RASSF4: variants seen among roughly 807,000 people sequenced by gnomAD.
RASSF4 encodes the protein ras association domain-containing protein 4.
RASSF4 carries 38 observed loss-of-function variants against 41.1 expected under a neutral mutation model. The observed-to-expected ratio is 0.92, with a 90% CI of 0.71 to 1.21. RASSF4 has a LOEUF of 1.21. Ranked by LOEUF, RASSF4 falls within the 50% of genes most tolerant of loss-of-function variation. The pLI is 0.00. For synonymous variants in RASSF4, 179 were observed against 163.4 expected (o/e 1.10, Z -0.73); for missense variants, 414 against 419.4 (o/e 0.99, Z 0.11).
Position 44,982,724 on chromosome 10 carries a change from C to G in RASSF4, c.281+61C>G, listed in dbSNP as rs1189924947. 3 of 1,565,974 alleles carry G rather than the reference C, an allele frequency of 1.9e-6. No homozygotes were observed. In the East Asian group the frequency reaches 6.9e-5, roughly 36 times the overall value. The stretch of plus-strand genomic sequence containing the variant: ...CCTGAGCTCCCGGGTTGGGGATATC[C>G]CGAGCCTCAGGGTGGGAGCCCTGTT... On this transcript the variant is annotated intron_variant, in intron 4 of 10. Transcript: ENST00000340258.
At chr10:44,984,331 G>C (rs1841835464) in intron 5 of RASSF4, 2 of 584,384 alleles carry the variant, frequency 3.4e-6, no homozygotes, top group South Asian at 4.3e-5. Context: ...GGAGGTGACA[G>C]TGACAGTGTG....
chr10:44,974,867 C>T (rs1161027546), intron 3 of RASSF4, among the ~76,000 whole-genome samples: 1 of 152,238 alleles, frequency 6.6e-6, no homozygotes, highest in African/African-American at 2.4e-5. Flanking sequence ...TGAACCTCGC[C>T]TTTGGGATAA....
rs1175667606 is a variant in RASSF4, at chr10:44,982,672, C to G, written c.281+9C>G. On this transcript the variant is annotated intron_variant, in intron 4 of 10. Transcript: ENST00000340258. ...CGGCCTAGCTGCCCTCTGTGAGTAC[C>G]CGGTGGCTTCTGTGACACCTGCTCA... 6.2e-7 allele frequency: 1 copy of G among 1,611,692 alleles called. No homozygotes were observed.
chr10:44,988,890 A>G (rs1462409192), intron 6 of RASSF4, among the ~76,000 whole-genome samples: 1 of 152,224 alleles, frequency 6.6e-6, no homozygotes, highest in African/African-American at 2.4e-5. Flanking sequence ...TGCTGGGAGA[A>G]TGAAGAGGAG....
chr10:44,968,919 G>A (rs768599557), intron 1 of RASSF4, among the ~76,000 whole-genome samples: 1 of 152,182 alleles, frequency 6.6e-6, no homozygotes, highest in South Asian at 2.1e-4. Flanking sequence ...TGCAACTTGG[G>A]AGATGGAAGG....
chr10:44,972,239 C>T lies in RASSF4; in HGVS notation c.138+391C>T, dbSNP rs753395698. ...GTCCCTCTCTGTTCCCTGCTGGTCC[C>T]GCCACATATCTGCAGGGTCTCACCT... is the stretch of plus-strand genomic sequence containing the variant. On this transcript the variant is annotated intron_variant, in intron 3 of 10. Transcript: ENST00000340258. Among the ~76,000 whole-genome samples the T allele has an allele frequency of 4.7e-4, 72 of 152,184 alleles. 1 individual carries two copies. Among genetic ancestry groups the T allele is most frequent in the Admixed American group, 4.3e-3 (66 of 15,278 alleles).
chr10:44,982,045 G>A (rs533276545), intron 3 of RASSF4: 1 of 183,862 alleles, frequency 5.4e-6, no homozygotes, highest in East Asian at 1.9e-4. Flanking sequence ...GGGTGAGGCT[G>A]AGACACAGCT....
chr10:44,991,267 T>A (rs1842101845), intron 9 of RASSF4, 198 bp downstream of exon 9: 2 of 452,864 alleles, frequency 4.4e-6, no homozygotes, highest in Non-Finnish European at 3.9e-6. Flanking sequence ...ACCAGCAGCT[T>A]AGGGGAAAGA....
At chr10:44,970,638 T>C (rs1826650931) in intron 2 of RASSF4, 1 of 185,994 alleles carries the variant, frequency 5.4e-6, no homozygotes, top group South Asian at 1.5e-4. Flanking sequence ...TTCCCCTCTG[T>C]ATTAGGCCAT....
intron 1 of RASSF4, among the ~76,000 whole-genome samples, chr10:44,963,974 C>T (rs549637118): frequency 1.3e-5 from 2 of 152,372 alleles, no homozygotes; most frequent in Admixed American, 1.3e-4. Context: ...TCACTTCACT[C>T]GGCATCTTCT....
Position 44,993,281 on chromosome 10 carries a change from G to A in RASSF4, c.918G>A (p.Leu306=), listed in dbSNP as rs751586561. 6.2e-7 allele frequency: 1 copy of A among 1,609,536 alleles called. No individual in the cohort carries two copies. The highest frequency in any genetic ancestry group is 1.1e-5 in the South Asian group (1 of 91,006). ...TGTCTCCCTCCAGGTTCCAAGCCCTGCGTCTGACGATGCTGCAGCGCCTGG... is the reference window on the plus strand; with the variant it reads ...TGTCTCCCTCCAGGTTCCAAGCCCTACGTCTGACGATGCTGCAGCGCCTGG... ...IIKLTMKFQA[L]RLTMLQRLEQ... Residue 306 remains leucine, a synonymous_variant, in exon 11 of 11, where the codon CTG becomes CTA. Coordinates refer to ENST00000340258, the MANE Select transcript of RASSF4 (RefSeq NM_032023.4).
intron 4 of RASSF4, 139 bp from the exon 5 acceptor site, chr10:44,983,883 G>C: frequency 6.9e-7 from 1 of 1,446,188 alleles, no homozygotes. Context: ...GACTCTCTTG[G>C]TTTGAAATCC....
At position 44,961,935 on chromosome 10, in the gene RASSF4, T is replaced by C. The variant is rs1840726229; in HGVS notation, c.-39+2069T>C. On this transcript the variant is annotated intron_variant, in intron 1 of 10. Transcript: ENST00000340258. ...AAAGCTTCAACAGTTTTCTTATTTT[T>C]GTAAAAGAGAAACTTGTAGTTCCCG... Among the ~76,000 whole-genome samples the C allele has an allele frequency of 2.0e-5, 3 of 152,240 alleles. No individual in the cohort carries two copies. The South Asian group carries it at 6.2e-4, about 32-fold the overall frequency.
At chr10:44,966,156 A>C (rs1428244832) in intron 1 of RASSF4, among the ~76,000 whole-genome samples, 1 of 152,202 alleles carries the variant, frequency 6.6e-6, no homozygotes, top group African/African-American at 2.4e-5. Flanking sequence ...CTTGTTGTAC[A>C]GATGGGAAAA....
intron 6 of RASSF4, among the ~76,000 whole-genome samples, chr10:44,986,577 A>T (rs1028157734): frequency 3.3e-5 from 5 of 152,238 alleles, no homozygotes; most frequent in Non-Finnish European, 7.3e-5. Context: ...AAGGACACAG[A>T]ATAGTGTCTT....
chr10:44,970,404 T>C lies in RASSF4; in HGVS notation c.62+140T>C. On this transcript the variant is annotated intron_variant, in intron 2 of 10. Transcript: ENST00000340258. ...GCCCTGGGGGACAGTGATGGGGTGC[T>C]TCTTTTTGAGCCTGTCCAATAGGGG... 2.5e-5 allele frequency: 17 copies of C among 679,542 alleles called. No individual in the cohort carries two copies. In the South Asian group the frequency reaches 2.8e-4, roughly 11 times the overall value. The allele number at this position is 679,542 out of a possible 1,614,324, so 42.1% of individuals were successfully genotyped here.
At chr10:44,983,553 C>G (rs1194455674) in intron 4 of RASSF4, 2 of 181,512 alleles carry the variant, frequency 1.1e-5, no homozygotes, top group East Asian at 3.2e-4. Context: ...CCCATCATAC[C>G]CACTCCTTCT....
chr10:44,989,174 G>A (rs1167279495), intron 6 of RASSF4, 100 bp from the exon 7 acceptor site: 3 of 714,580 alleles, frequency 4.2e-6, no homozygotes, highest in Non-Finnish European at 7.4e-6. Context: ...GGTGTTCCCA[G>A]ATCTCAGCGT....
intron 3 of RASSF4, chr10:44,977,955 C>T: frequency 6.2e-7 from 1 of 1,612,010 alleles, no homozygotes; most frequent in East Asian, 2.2e-5. Context: ...TGTCCAGGAC[C>T]CCCAAGCAGC....
Sources: gnomAD v4.1 joint callset for allele counts (sites outside exome capture counted in the v4.1 genomes callset) on GRCh38, gnomAD v4.1.1 for gene constraint, MANE v1.5 for transcripts, NCBI Gene and HGNC (gene_info 2026-07-23, HGNC 2026-07-21) for gene names.